Variants in TRIM2 observed in about 807,000 individuals in gnomAD.
TRIM2 encodes the protein tripartite motif-containing protein 2.
In TRIM2, 20 loss-of-function variants were observed where a neutral mutation model predicts 75.2. The observed-to-expected ratio is 0.27, with a 90% CI of 0.19 to 0.39. TRIM2 has a LOEUF of 0.39. Among genes scored for constraint, TRIM2 ranks in the 10% least tolerant of loss-of-function variants. The pLI is 1.00. For missense variants in TRIM2, 660 were observed against 990.8 expected, an observed-to-expected ratio of 0.67 and a Z score of 4.48; for synonymous variants, 373 against 388.3, an observed-to-expected ratio of 0.96 and a Z score of 0.46.
chr4:153,175,002 TTTTTG>T (rs201609111), intron 1 of TRIM2, among the ~76,000 whole-genome samples: 137 of 104,496 alleles, frequency 1.3e-3, no homozygotes, highest in African/African-American at 3.8e-3. Context: ...TGTTGTTTTG[TTTTTG>T]TTTTGTTTTG....
chr4:153,292,684 C>A lies in TRIM2; in HGVS notation c.454-298C>A, dbSNP rs142096118. ...CCTCAATAATTTTTAAAGATTATAA[C>A]GGGGTCCTGATATAAAAATGTTTGA... On this transcript the variant is annotated intron_variant, in intron 3 of 11. Transcript: ENST00000338700. 6.1e-3 allele frequency among the ~76,000 whole-genome samples: 932 copies of A among 152,280 alleles called. 10 individuals carry two copies. The highest frequency in any genetic ancestry group is 0.031 in the Middle Eastern group (9 of 294).
chr4:153,336,870 C>G lies in TRIM2; in HGVS notation c.*1904C>G, dbSNP rs537788661. 2.0e-6 allele frequency: 2 copies of G among 984,982 alleles called. No homozygotes were observed. The highest frequency in any genetic ancestry group is 1.1e-4 in the East Asian group (1 of 8,804). The allele number at this position is 984,982 out of a possible 1,614,324, so 61.0% of individuals were successfully genotyped here. ...GGTAGAGTTTTAAAAAATACTTGAG[C>G]CTGTCCGTGATAAAGCTATAAAATT... On this transcript the variant is annotated 3_prime_UTR_variant, in exon 12 of 12. Transcript: ENST00000338700.
chr4:153,231,514 T>A (rs1472534370), intron 1 of TRIM2, among the ~76,000 whole-genome samples: 1 of 152,106 alleles, frequency 6.6e-6, no homozygotes, highest in Non-Finnish European at 1.5e-5. Context: ...AGACAGGGAT[T>A]AGGAGCCAGA....
At chr4:153,278,608 G>A (rs1192916354) in intron 3 of TRIM2, among the ~76,000 whole-genome samples, 1 of 152,000 alleles carries the variant, frequency 6.6e-6, no homozygotes, top group East Asian at 1.9e-4. Flanking sequence ...AGACCTGACT[G>A]GGCAACATGG....
chr4:153,302,229 T>G (rs955852587), intron 6 of TRIM2, among the ~76,000 whole-genome samples: 1 of 152,224 alleles, frequency 6.6e-6, no homozygotes, highest in African/African-American at 2.4e-5. Flanking sequence ...TTGTTAGTTT[T>G]TTTCTTTTTC....
At chr4:153,184,785 G>A (rs898313848) in intron 1 of TRIM2, among the ~76,000 whole-genome samples, 5 of 152,194 alleles carry the variant, frequency 3.3e-5, no homozygotes, top group African/African-American at 1.2e-4. Flanking sequence ...GGGAAGTGGA[G>A]TAGGGTCTCT....
At chr4:153,180,413 C>A (rs1731929563) in intron 1 of TRIM2, among the ~76,000 whole-genome samples, 1 of 152,228 alleles carries the variant, frequency 6.6e-6, no homozygotes, top group Non-Finnish European at 1.5e-5. Context: ...GCCTTGAACC[C>A]CCTGGTCCTG....
At chr4:153,199,885 C>T (rs562669454), upstream of TRIM2, among the ~76,000 whole-genome samples, 98 of 151,700 alleles carry the variant, frequency 6.5e-4, no homozygotes, top group African/African-American at 2.3e-3. Flanking sequence ...GTGATCCTCC[C>T]GCCTCAGCCT....
intron 1 of TRIM2, among the ~76,000 whole-genome samples, chr4:153,229,801 C>T (rs1483326785): frequency 6.6e-6 from 1 of 152,138 alleles, no homozygotes; most frequent in Non-Finnish European, 1.5e-5. Context: ...GCTTATTGCA[C>T]ACAGTATACT....
chr4:153,275,173 A>G (rs1477475111), intron 2 of TRIM2, among the ~76,000 whole-genome samples: 1 of 152,208 alleles, frequency 6.6e-6, no homozygotes, highest in Admixed American at 6.5e-5. Context: ...TGTCTCAAGG[A>G]ATCATAACAG....
At chr4:153,163,811 C>CTTTTTTTTTTTTTTTTTTTTT (rs1730009910) in intron 1 of TRIM2, among the ~76,000 whole-genome samples, 2 of 151,552 alleles carry the variant, frequency 1.3e-5, no homozygotes, top group African/African-American at 2.4e-5. Flanking sequence ...CGATTTACAT[C>CTTTTTTTTTTTTTTTTTTTTT]TTAAAACGTG....
At chr4:153,273,270 CTTT>C (rs72414117) in intron 2 of TRIM2, among the ~76,000 whole-genome samples, 618 of 57,324 alleles carry the variant, frequency 0.011, 8 homozygotes, top group African/African-American at 0.04. Context: ...TACAGTCACT[CTTT>C]TTTTTTTTTT....
At position 153,245,264 on chromosome 4, in the gene TRIM2, T is replaced by C. The variant is rs527281560; in HGVS notation, c.31-25071T>C. 8.5e-5 allele frequency among the ~76,000 whole-genome samples: 13 copies of C among 152,384 alleles called. No individual in the cohort carries two copies. In the East Asian group the frequency reaches 2.5e-3, roughly 29 times the overall value. On this transcript the variant is annotated intron_variant, in intron 1 of 11. Transcript: ENST00000338700. ...TATCTTGGCTTATGCACAAGTAAACTGTAGGTATTGTTTTTCATTTACGAG... is the reference window on the plus strand; with the variant it reads ...TATCTTGGCTTATGCACAAGTAAACCGTAGGTATTGTTTTTCATTTACGAG...
chr4:153,303,474 G>GA (rs575126983), intron 6 of TRIM2, among the ~76,000 whole-genome samples: 2,785 of 92,328 alleles, frequency 0.03, 73 homozygotes, highest in African/African-American at 0.086. Context: ...CTCCATCTCA[G>GA]AAAAAAAAAA....
In TRIM2 at chr4:153,335,746, T is replaced by TG; in HGVS notation, c.*780_*781insG. 2.0e-6 allele frequency: 2 copies of TG among 985,848 alleles called. No homozygotes were observed. The highest frequency in any genetic ancestry group is 5.2e-4 in the Middle Eastern group (1 of 1,914). The allele number at this position is 985,848 out of a possible 1,614,324, so 61.1% of individuals were successfully genotyped here. On this transcript the variant is annotated 3_prime_UTR_variant, in exon 12 of 12. Transcript: ENST00000338700. ...CCTTTTGGGAAACAAACTGCCCCGTTAACTCCAGATCATTGCACTGGAATG... is the reference window on the plus strand; with the variant it reads ...CCTTTTGGGAAACAAACTGCCCCGTTGAACTCCAGATCATTGCACTGGAATG...
chr4:153,249,490 C>T (rs1750268309), intron 1 of TRIM2, among the ~76,000 whole-genome samples: 1 of 152,262 alleles, frequency 6.6e-6, no homozygotes, highest in African/African-American at 2.4e-5. Context: ...GAGGTTCTCT[C>T]TGAATTACAT....
chr4:153,297,081 C>T (rs1456207565), intron 6 of TRIM2, among the ~76,000 whole-genome samples: 1 of 152,190 alleles, frequency 6.6e-6, no homozygotes, highest in Non-Finnish European at 1.5e-5. Flanking sequence ...GGCAGCACAT[C>T]CAAACTTCCA....
intron 1 of TRIM2, among the ~76,000 whole-genome samples, chr4:153,183,226 C>A (rs921964941): frequency 6.6e-6 from 1 of 152,220 alleles, no homozygotes; most frequent in Non-Finnish European, 1.5e-5. Context: ...TCTGCACCAG[C>A]ACTGGGCAGT....
chr4:153,330,081 T>C (rs1262054648), intron 11 of TRIM2, among the ~76,000 whole-genome samples: 1 of 152,102 alleles, frequency 6.6e-6, no homozygotes, highest in Non-Finnish European at 1.5e-5. Context: ...TTAGATGAAA[T>C]AGACAACTCC....
Sources: allele counts gnomAD v4.1 joint callset (sites outside exome capture counted in the v4.1 genomes callset), GRCh38; gene constraint gnomAD v4.1.1; transcripts MANE v1.5; gene names NCBI Gene and HGNC (gene_info 2026-07-23, HGNC 2026-07-21).